NBEA: variants seen among roughly 807,000 people sequenced by gnomAD.
The protein encoded by NBEA is lysosomal-trafficking regulator 2.
Under a neutral mutation model 343.4 loss-of-function variants are expected in NBEA, and 44 were observed. The observed-to-expected ratio is 0.13, with a 90% CI of 0.10 to 0.16. NBEA has a LOEUF of 0.16. Ranked by LOEUF, NBEA falls within the 10% of genes least tolerant of loss-of-function variation. The pLI, the probability that NBEA is intolerant of heterozygous loss-of-function variation, is 1.00. For synonymous variants in NBEA, 1,175 were observed against 1,238.7 expected (o/e 0.95, Z 1.08); for missense variants, 2,555 against 3,631.3 (o/e 0.70, Z 7.62).
intron 45 of NBEA, among the ~76,000 whole-genome samples, chr13:35,576,565 T>G (rs753399937): frequency 2.0e-5 from 3 of 152,194 alleles, no homozygotes; most frequent in Non-Finnish European, 4.4e-5. Flanking sequence ...CGACTAAAAT[T>G]ATCTCTATGA....
chr13:35,521,038 A>G (rs1057249958), intron 41 of NBEA, among the ~76,000 whole-genome samples: 1 of 151,940 alleles, frequency 6.6e-6, no homozygotes, highest in Non-Finnish European at 1.5e-5. Context: ...TTCTGCTCTC[A>G]TTTTCCAGAG....
intron 27 of NBEA, among the ~76,000 whole-genome samples, chr13:35,174,345 A>C (rs935274445): frequency 6.6e-6 from 1 of 152,042 alleles, no homozygotes; most frequent in African/African-American, 2.4e-5. Flanking sequence ...CTACCACCCC[A>C]GTCAGTCTAG....
rs1008923567 is a variant in NBEA, at chr13:35,671,310, G to A, written c.*319G>A. 1 of 196,260 alleles carries A rather than the reference G, an allele frequency of 5.1e-6. No homozygotes were observed. Among genetic ancestry groups the A allele is most frequent in the Non-Finnish European group, 1.0e-5 (1 of 95,934 alleles). The allele number at this position is 196,260 out of a possible 1,614,324, so 12.2% of individuals were successfully genotyped here. A position where few individuals can be genotyped will look rare whatever the true frequency, so the allele number is the denominator to read the frequency against. Reference sequence around the variant, plus strand: ...CACAAGAGACTTTTGACAATTCTGAGGAACCTTGTGTCCAGTTGTTACAAA... The same window carrying A: ...CACAAGAGACTTTTGACAATTCTGAAGAACCTTGTGTCCAGTTGTTACAAA... On this transcript the variant is annotated 3_prime_UTR_variant, in exon 59 of 59. Transcript: ENST00000379939.
At chr13:35,174,217 A>T (rs887379123) in intron 27 of NBEA, among the ~76,000 whole-genome samples, 1 of 152,062 alleles carries the variant, frequency 6.6e-6, no homozygotes, top group Non-Finnish European at 1.5e-5. Flanking sequence ...TCAGACTTTT[A>T]TATGATTTCC....
chr13:35,098,422 G>A lies in NBEA; in HGVS notation c.1680+17G>A. ...CTTGAAAAGGTAAGTGATATGTGTT[G>A]ATGGTTTTATTGTGTAGCTTCACAG... On this transcript the variant is annotated intron_variant, in intron 11 of 58. Transcript: ENST00000379939. 1.3e-6 allele frequency: 2 copies of A among 1,527,728 alleles called. No individual in the cohort carries two copies. Among genetic ancestry groups the A allele is most frequent in the Non-Finnish European group, 1.8e-6 (2 of 1,120,270 alleles). 94.6% of individuals were successfully genotyped at this position (1,527,728 alleles called of 1,614,324 possible).
chr13:35,536,867 A>G (rs1566283907), intron 41 of NBEA, among the ~76,000 whole-genome samples: 1 of 152,228 alleles, frequency 6.6e-6, no homozygotes. Context: ...ATTCAAAGGA[A>G]TGAGAGAGCA....
intron 40 of NBEA, among the ~76,000 whole-genome samples, chr13:35,456,638 A>C (rs190398683): frequency 1.7e-3 from 259 of 152,182 alleles, no homozygotes; most frequent in African/African-American, 6.1e-3. Context: ...TGAGTAACTG[A>C]AATTCAAGAT....
intron 38 of NBEA, among the ~76,000 whole-genome samples, chr13:35,379,734 T>G (rs1021161927): frequency 6.6e-6 from 1 of 151,972 alleles, no homozygotes; most frequent in Admixed American, 6.6e-5. Flanking sequence ...GCATGGATAT[T>G]CAGTCAAAGT....
At chr13:35,074,701 G>A (rs890692090) in intron 10 of NBEA, among the ~76,000 whole-genome samples, 1 of 152,030 alleles carries the variant, frequency 6.6e-6, no homozygotes, top group African/African-American at 2.4e-5. Flanking sequence ...AAATTTTATT[G>A]TGTATGTTTA....
chr13:35,554,878 C>A (rs1252217974), intron 43 of NBEA, 109 bp from the exon 44 acceptor site: 1 of 491,456 alleles, frequency 2.0e-6, no homozygotes, highest in Non-Finnish European at 3.6e-6. Context: ...GAAGGATAAA[C>A]CATAAATTAT....
At chr13:35,266,150 C>T (rs2033654332) in intron 34 of NBEA, among the ~76,000 whole-genome samples, 1 of 151,688 alleles carries the variant, frequency 6.6e-6, no homozygotes, top group Non-Finnish European at 1.5e-5. Context: ...TAAGATATCA[C>T]CTTCCTTTTT....
chr13:35,527,863 C>T lies in NBEA; in HGVS notation c.6586-22614C>T, dbSNP rs547585552. On this transcript the variant is annotated intron_variant, in intron 41 of 58. Transcript: ENST00000379939. ...AACACACAACTTCATCCGCACCTTC[C>T]GCGCATCAGCCGGAGGCTTCCCAGC... Among the ~76,000 whole-genome samples, 13 of 152,312 alleles carry T rather than the reference C, an allele frequency of 8.5e-5. No individual in the cohort carries two copies. The East Asian group carries it at 1.5e-3, about 18-fold the overall frequency.
At chr13:35,668,579 T>C in intron 58 of NBEA, 60 bp downstream of exon 58, 1 of 1,472,238 alleles carries the variant, frequency 6.8e-7, no homozygotes. Context: ...CTCTCTTCAT[T>C]CTACCAAGGG....
intron 1 of NBEA, among the ~76,000 whole-genome samples, chr13:34,947,696 C>G (rs954314931): frequency 6.6e-6 from 1 of 152,064 alleles, no homozygotes; most frequent in Non-Finnish European, 1.5e-5. Flanking sequence ...TTTTGTATTT[C>G]TAGGCCTTGG....
At chr13:35,227,754 C>A (rs901862364) in intron 33 of NBEA, among the ~76,000 whole-genome samples, 2 of 151,636 alleles carry the variant, frequency 1.3e-5, no homozygotes, top group Non-Finnish European at 1.5e-5. Context: ...TAAATAAAAT[C>A]AAAAATAAGT....
intron 1 of NBEA, among the ~76,000 whole-genome samples, chr13:34,986,266 T>C (rs900475629): frequency 1.1e-4 from 16 of 151,114 alleles, no homozygotes; most frequent in Admixed American, 8.6e-4. Flanking sequence ...AAGAACGTCT[T>C]TATTTCTGCC....
chr13:35,509,677 T>C (rs2077202460), intron 41 of NBEA, among the ~76,000 whole-genome samples: 1 of 152,148 alleles, frequency 6.6e-6, no homozygotes, highest in Non-Finnish European at 1.5e-5. Context: ...GAAGGAGTTG[T>C]TTGCAAATGG....
At chr13:34,991,776 T>C (rs1357721608) in intron 1 of NBEA, among the ~76,000 whole-genome samples, 2 of 152,200 alleles carry the variant, frequency 1.3e-5, no homozygotes, top group Non-Finnish European at 2.9e-5. Context: ...CAGAATAAGT[T>C]TCCGTCTTGT....
At chr13:35,637,202 A>G (rs187345744) in intron 49 of NBEA, among the ~76,000 whole-genome samples, 1 of 152,320 alleles carries the variant, frequency 6.6e-6, no homozygotes, top group East Asian at 1.9e-4. Context: ...ATGTGCCAGC[A>G]TCATTCATCT....
Sources: gnomAD v4.1 joint callset for allele counts (sites outside exome capture counted in the v4.1 genomes callset) on GRCh38, gnomAD v4.1.1 for gene constraint, MANE v1.5 for transcripts, NCBI Gene and HGNC (gene_info 2026-07-23, HGNC 2026-07-21) for gene names.